CCDC171: variants seen among roughly 807,000 people sequenced by gnomAD.
CCDC171 encodes the protein coiled-coil domain containing 171.
CCDC171 carries 177 observed loss-of-function variants against 168.2 expected under a neutral mutation model. That is an observed-to-expected ratio of 1.05 (90% CI 0.93 to 1.19). The LOEUF (loss-of-function observed/expected upper bound fraction) is 1.19, where lower values mean the gene tolerates loss of function less well. CCDC171 is among the 50% of genes most tolerant of loss of function. The probability of loss-of-function intolerance (pLI) is 0.00; values close to 1 mark genes in which losing one functional copy is unlikely to be tolerated. For synonymous variants in CCDC171, 687 were observed against 540.8 expected (o/e 1.27, Z -3.75); for missense variants, 1,991 against 1,539.0 (o/e 1.29, Z -4.91).
At chr9:15,866,423 A>C (rs1450181472) in intron 23 of CCDC171, among the ~76,000 whole-genome samples, 1 of 151,990 alleles carries the variant, frequency 6.6e-6, no homozygotes, top group East Asian at 1.9e-4. Flanking sequence ...GAAGGATGTG[A>C]AACTTATTCA....
At chr9:15,665,123 A>AT (rs1404137275) in intron 8 of CCDC171, among the ~76,000 whole-genome samples, 11 of 150,958 alleles carry the variant, frequency 7.3e-5, no homozygotes, top group East Asian at 3.9e-4. Context: ...AGACCTAAAC[A>AT]TTTTTTTTTA....
At position 16,023,271 on chromosome 9, in the gene CCDC171, G is replaced by T. The variant is rs553986257; in HGVS notation, n.998+363G>T. Among the ~76,000 whole-genome samples the T allele has an allele frequency of 1.7e-4, 26 of 152,188 alleles. 3 individuals are homozygous for T. The highest frequency in any genetic ancestry group is 6.0e-4 in the African/African-American group (25 of 41,518). On this transcript the variant is annotated intron_variant and non_coding_transcript_variant, in intron 6 of 9. Transcript: ENST00000486641. ...GTAATCTCTGTGACTCAAATAGATTGATTTATTTATGTTTCTGAAATTTAT... is the reference window on the plus strand; with the variant it reads ...GTAATCTCTGTGACTCAAATAGATTTATTTATTTATGTTTCTGAAATTTAT...
chr9:15,674,296 C>A (rs911893633), intron 9 of CCDC171, among the ~76,000 whole-genome samples: 6 of 151,892 alleles, frequency 4.0e-5, no homozygotes, highest in Non-Finnish European at 8.8e-5. Context: ...TTTTGTTGAT[C>A]TTTTCAAAAA....
At chr9:16,106,179 T>C in the CCDC171 span, among the ~76,000 whole-genome samples, 2 of 152,210 alleles carry the variant, frequency 1.3e-5, no homozygotes, top group Admixed American at 1.3e-4. Context: ...GCTTGGGATA[T>C]GGAGTTTTCT....
intron 7 of CCDC171, among the ~76,000 whole-genome samples, chr9:15,640,688 T>G (rs941757490): frequency 6.6e-6 from 1 of 152,154 alleles, no homozygotes; most frequent in African/African-American, 2.4e-5. Flanking sequence ...TTTCTTAACA[T>G]GTTTGATTAG....
In CCDC171 at chr9:15,744,673, T is replaced by C. The variant is rs755079869; in HGVS notation, c.2450T>C (p.Leu817Ser). The C allele has an allele frequency of 1.2e-6, 2 of 1,614,162 alleles. No individual in the cohort carries two copies. Among genetic ancestry groups the C allele is most frequent in the Non-Finnish European group, 1.7e-6 (2 of 1,180,018 alleles). The change falls in exon 17 of 26, where the codon TTG becomes TCG. Residue 817 changes from leucine (L) to serine (S), a missense_variant. Leu to Ser is a moderately radical substitution (Grantham distance 145). Transcript: ENST00000380701. ...AVLAANRLKILGQSCASLFTW... is the reference protein window; with the variant it reads ...AVLAANRLKISGQSCASLFTW... Reference sequence around the variant, plus strand: ...TTGGCAGCAAACAGACTCAAGATTTTGGGCCAATCATGTGCCTCTCTTTTT... The same window carrying C: ...TTGGCAGCAAACAGACTCAAGATTTCGGGCCAATCATGTGCCTCTCTTTTT...
chr9:15,658,695 T>C (rs1180718264), intron 8 of CCDC171, among the ~76,000 whole-genome samples: 1 of 151,978 alleles, frequency 6.6e-6, no homozygotes, highest in Non-Finnish European at 1.5e-5. Flanking sequence ...TCAGAGTAGG[T>C]CACCATGAAC....
chr9:16,023,787 C>A (rs1191945139), intron 6 of CCDC171, among the ~76,000 whole-genome samples: 1 of 151,972 alleles, frequency 6.6e-6, no homozygotes, highest in African/African-American at 2.4e-5. Context: ...ACTGTCACAG[C>A]TGAGGTTTTC....
chr9:16,017,340 A>C (rs1833051754), intron 3 of CCDC171, among the ~76,000 whole-genome samples: 1 of 152,126 alleles, frequency 6.6e-6, no homozygotes, highest in African/African-American at 2.4e-5. Flanking sequence ...AACTCAGTAG[A>C]ATCATGTAAA....
At chr9:15,979,356 G>T (rs975728387) in intron 3 of CCDC171, among the ~76,000 whole-genome samples, 6 of 152,116 alleles carry the variant, frequency 3.9e-5, no homozygotes, top group African/African-American at 1.4e-4. Context: ...GAACATACTT[G>T]TCATGTTCCT....
chr9:15,672,712 A>G (rs1017039193), intron 9 of CCDC171, among the ~76,000 whole-genome samples: 8 of 151,904 alleles, frequency 5.3e-5, no homozygotes, highest in African/African-American at 1.9e-4. Context: ...TGGTCTATAT[A>G]TCTGTTTTGG....
chr9:15,901,530 A>T (rs957040060), intron 24 of CCDC171, among the ~76,000 whole-genome samples: 1 of 152,212 alleles, frequency 6.6e-6, no homozygotes, highest in Non-Finnish European at 1.5e-5. Context: ...TTAAAAAGTA[A>T]ATATACCATA....
chr9:15,895,556 T>G (rs563288725), intron 24 of CCDC171, among the ~76,000 whole-genome samples: 1 of 152,258 alleles, frequency 6.6e-6, no homozygotes, highest in East Asian at 1.9e-4. Context: ...TATATGTCAA[T>G]AGACTCCAAA....
At chr9:15,959,837 G>A (rs1438757009) in intron 25 of CCDC171, among the ~76,000 whole-genome samples, 1 of 152,154 alleles carries the variant, frequency 6.6e-6, no homozygotes, top group African/African-American at 2.4e-5. Flanking sequence ...CCTACAGGTA[G>A]AAACTGAAAG....
rs554716333 is a variant in CCDC171, at chr9:15,729,481, A to T, written c.1861-129A>T. ...TTTTAAATTTCTTTATTTACATTTT[A>T]TGTTAAAATTTTTATATGATCTTAA... On this transcript the variant is annotated intron_variant, in intron 15 of 25. Transcript: ENST00000380701. 3.7e-5 allele frequency: 19 copies of T among 510,230 alleles called. No individual in the cohort carries two copies. In the East Asian group the frequency reaches 5.7e-4, roughly 15 times the overall value. 31.6% of individuals were successfully genotyped at this position (510,230 alleles called of 1,614,324 possible).
At chr9:16,065,168 A>G (rs1273140724), downstream of CCDC171, among the ~76,000 whole-genome samples, 1 of 152,120 alleles carries the variant, frequency 6.6e-6, no homozygotes, top group Admixed American at 6.5e-5. Context: ...TGCTGATAAA[A>G]TTTTCATAAG....
chr9:15,929,742 G>C (rs1260665990), intron 25 of CCDC171, among the ~76,000 whole-genome samples: 1 of 151,706 alleles, frequency 6.6e-6, no homozygotes, highest in Non-Finnish European at 1.5e-5. Flanking sequence ...ATTAGTGCCA[G>C]AGTTATCCTT....
chr9:15,677,913 T>TAC (rs2049735636), intron 9 of CCDC171, among the ~76,000 whole-genome samples: 1 of 29,256 alleles, frequency 3.4e-5, no homozygotes, highest in Non-Finnish European at 5.6e-5. Flanking sequence ...TATATATATA[T>TAC]ATATATATAT....
At chr9:15,762,681 A>G (rs1264370563) in intron 18 of CCDC171, among the ~76,000 whole-genome samples, 3 of 152,322 alleles carry the variant, frequency 2.0e-5, no homozygotes, top group African/African-American at 7.2e-5. Flanking sequence ...TACATGCAAT[A>G]AAATGTGCTT....
Sources: gnomAD v4.1 joint callset for allele counts (sites outside exome capture counted in the v4.1 genomes callset) on GRCh38, gnomAD v4.1.1 for gene constraint, MANE v1.5 for transcripts, NCBI Gene and HGNC (gene_info 2026-07-23, HGNC 2026-07-21) for gene names.